The following TG variants were observed in gnomAD, a reference collection of about 807,000 sequenced individuals.
TG encodes the protein thyroglobulin.
Under a neutral mutation model 324.7 loss-of-function variants are expected in TG, and 270 were observed. That is an observed-to-expected ratio of 0.83 (90% CI 0.75 to 0.92). The LOEUF is 0.92. Ranked by LOEUF, TG falls within the 40% of genes least tolerant of loss-of-function variation. TG has a pLI of 0.00. For synonymous variants in TG, 1,401 were observed against 1,327.0 expected, an observed-to-expected ratio of 1.06 and a Z score of -1.21; for missense variants, 3,591 against 3,456.4, an observed-to-expected ratio of 1.04 and a Z score of -0.98.
chr8:132,932,458 A>G (rs979238594), intron 23 of TG, among the ~76,000 whole-genome samples: 1 of 152,162 alleles, frequency 6.6e-6, no homozygotes, highest in Non-Finnish European at 1.5e-5. Flanking sequence ...TCAGCCACAG[A>G]CTGTGCTGAT....
intron 35 of TG, among the ~76,000 whole-genome samples, chr8:132,986,549 A>G (rs1473546094): frequency 2.6e-5 from 4 of 152,136 alleles, no homozygotes; most frequent in Admixed American, 1.3e-4. Flanking sequence ...CTAGTGATGA[A>G]CAACAAATGA....
At chr8:133,106,738 G>A (rs1219979580) in intron 43 of TG, among the ~76,000 whole-genome samples, 1 of 152,148 alleles carries the variant, frequency 6.6e-6, no homozygotes, top group Non-Finnish European at 1.5e-5. Context: ...CACGAATCTT[G>A]TTCCTTATCA....
Position 132,888,083 on chromosome 8 carries a change from A to G in TG, c.2276A>G (p.Tyr759Cys), listed in dbSNP as rs766295732. The G allele has an allele frequency of 1.5e-5, 24 of 1,613,972 alleles. No homozygotes were observed. The highest frequency in any genetic ancestry group is 1.6e-4 in the Middle Eastern group (1 of 6,084). ...SSMLPTLSDT[Y>C]IPQCSTDGQW... ...ATGCTACCCACCCTTTCCGACACCTACATCCCACAGTGCAGCACCGATGGG... is the reference window on the plus strand; with the variant it reads ...ATGCTACCCACCCTTTCCGACACCTGCATCCCACAGTGCAGCACCGATGGG... Residue 759 changes from tyrosine to cysteine, a missense_variant, in exon 10 of 48, where the codon TAC (tyrosine) becomes TGC (cysteine). By Grantham distance (194) the Tyr-to-Cys change is radical. Coordinates refer to ENST00000220616, the MANE Select transcript of TG (RefSeq NM_003235.5).
At chr8:133,049,669 T>G in intron 41 of TG, 1 of 525,058 alleles carries the variant, frequency 1.9e-6, no homozygotes, top group East Asian at 3.4e-5. Flanking sequence ...ATGTTAGAGC[T>G]GAAAGGTCCA....
intron 15 of TG, among the ~76,000 whole-genome samples, 159 bp from the exon 16 acceptor site, chr8:132,901,194 T>G (rs1032429071): frequency 2.6e-5 from 4 of 152,248 alleles, no homozygotes; most frequent in African/African-American, 4.8e-5. Flanking sequence ...TTTGCCTTGT[T>G]GTCATTCAAC....
intron 41 of TG, among the ~76,000 whole-genome samples, chr8:133,081,968 G>A (rs552994306): frequency 6.6e-6 from 1 of 152,334 alleles, no homozygotes; most frequent in African/African-American, 2.4e-5. Context: ...TAAGCAAAGA[G>A]GGCTGTAGCC....
At chr8:133,025,700 T>C (rs1201880903) in intron 40 of TG, among the ~76,000 whole-genome samples, 1 of 152,190 alleles carries the variant, frequency 6.6e-6, no homozygotes, top group Non-Finnish European at 1.5e-5. Context: ...TTTGTTGCCC[T>C]CCAACTTTCC....
chr8:133,067,735 C>T (rs541976709), intron 41 of TG, among the ~76,000 whole-genome samples: 104 of 151,454 alleles, frequency 6.9e-4, no homozygotes, highest in Admixed American at 1.2e-3. Context: ...GAGATCGCAC[C>T]GCTGCACATT....
At chr8:133,134,042 G>T (rs1471708770) in intron 47 of TG, among the ~76,000 whole-genome samples, 1 of 152,236 alleles carries the variant, frequency 6.6e-6, no homozygotes, top group Non-Finnish European at 1.5e-5. Context: ...ATCTTGGAGA[G>T]GTAACTCTAG....
At chr8:132,929,318 C>CTA (rs1201068356) in intron 23 of TG, 126 bp downstream of exon 23, 2 of 751,766 alleles carry the variant, frequency 2.7e-6, no homozygotes, top group Non-Finnish European at 4.6e-6. Flanking sequence ...ATCAAAAACA[C>CTA]TATAAATGAA....
At chr8:132,995,690 A>C (rs766118175) in intron 35 of TG, among the ~76,000 whole-genome samples, 13 of 152,186 alleles carry the variant, frequency 8.5e-5, no homozygotes, top group Non-Finnish European at 1.9e-4. Context: ...GGGGATGTCC[A>C]CTTGTTAGGA....
intron 20 of TG, among the ~76,000 whole-genome samples, chr8:132,918,246 A>G (rs1017715519): frequency 2.6e-5 from 4 of 152,148 alleles, no homozygotes; most frequent in African/African-American, 9.7e-5. Context: ...TAGCTCTCTC[A>G]TTTCTGCTAG....
At chr8:133,040,597 C>T (rs564278845) in intron 41 of TG, among the ~76,000 whole-genome samples, 2 of 152,238 alleles carry the variant, frequency 1.3e-5, no homozygotes, top group African/African-American at 4.8e-5. Context: ...CTGATCCCCC[C>T]AGTTGTGCAT....
chr8:133,058,510 C>CT (rs1343211198), intron 41 of TG, among the ~76,000 whole-genome samples: 1 of 152,222 alleles, frequency 6.6e-6, no homozygotes, highest in Non-Finnish European at 1.5e-5. Flanking sequence ...GCTGCCCCCT[C>CT]TGCCCCAGGC....
At chr8:132,974,884 T>A (rs933119326) in intron 34 of TG, among the ~76,000 whole-genome samples, 3 of 152,214 alleles carry the variant, frequency 2.0e-5, no homozygotes, top group Admixed American at 6.5e-5. Flanking sequence ...AAGATGTTTC[T>A]GGAGTTAATT....
chr8:132,876,714 T>C (rs181846731), intron 5 of TG, among the ~76,000 whole-genome samples: 1 of 152,356 alleles, frequency 6.6e-6, no homozygotes, highest in Admixed American at 6.5e-5. Context: ...TTCTGACTCA[T>C]GCCCCATCTT....
chr8:132,982,332 A>G (rs1338581671), intron 34 of TG, among the ~76,000 whole-genome samples: 1 of 152,208 alleles, frequency 6.6e-6, no homozygotes, highest in Non-Finnish European at 1.5e-5. Context: ...CCCTGTGAGC[A>G]AGGAGATCCC....
chr8:132,996,135 A>G (rs1832858708), intron 35 of TG, among the ~76,000 whole-genome samples: 1 of 152,142 alleles, frequency 6.6e-6, no homozygotes, highest in South Asian at 2.1e-4. Context: ...ATTATGTAGC[A>G]CCTCTGAGCC....
intron 41 of TG, chr8:133,048,999 A>T (rs1839948303): frequency 2.9e-6 from 1 of 345,638 alleles, no homozygotes; most frequent in Non-Finnish European, 5.9e-6. Flanking sequence ...TTCCATTTCC[A>T]ATGTGCTTTG....
Sources: gnomAD v4.1 joint callset for allele counts (sites outside exome capture counted in the v4.1 genomes callset) on GRCh38, gnomAD v4.1.1 for gene constraint, MANE v1.5 for transcripts, NCBI Gene and HGNC (gene_info 2026-07-23, HGNC 2026-07-21) for gene names.